LRRC37A2: variants seen among roughly 807,000 people sequenced by gnomAD.
LRRC37A2 encodes the protein leucine rich repeat containing 37 member A2, also known as leucine-rich repeat-containing protein 37A2.
A neutral mutation model predicts 68.8 loss-of-function variants in LRRC37A2; 9 were observed. That is an observed-to-expected ratio of 0.13 (90% confidence interval 0.08 to 0.23). The LOEUF (loss-of-function observed/expected upper bound fraction) is 0.23. Ranked by LOEUF, LRRC37A2 falls within the 10% of genes least tolerant of loss-of-function variation. The probability of loss-of-function intolerance (pLI) is 1.00; values close to 1 mark genes in which losing one functional copy is unlikely to be tolerated. For missense variants in LRRC37A2, 168 were observed against 950.4 expected (o/e 0.18, Z 10.82); for synonymous variants, 63 against 367.6 (o/e 0.17, Z 9.48).
At chr17:46,911,764 G>A in the LRRC37A2 span, among the ~76,000 whole-genome samples, 1 of 152,136 alleles carries the variant, frequency 6.6e-6, no homozygotes, top group Admixed American at 6.5e-5. Context: ...CACGCCTGTA[G>A]TCCCAGCTAC....
chr17:46,856,373 C>T, the LRRC37A2 span, among the ~76,000 whole-genome samples: 1 of 152,164 alleles, frequency 6.6e-6, no homozygotes, highest in South Asian at 2.1e-4. Flanking sequence ...GGGTTCTAAA[C>T]ATCATCCCAG....
At chr17:46,879,896 G>A in the LRRC37A2 span, among the ~76,000 whole-genome samples, 6 of 152,220 alleles carry the variant, frequency 3.9e-5, no homozygotes, top group Non-Finnish European at 8.8e-5. Context: ...GAGAGACCAG[G>A]AACCCATGGA....
chr17:46,887,454 A>T, the LRRC37A2 span, among the ~76,000 whole-genome samples: 1 of 151,956 alleles, frequency 6.6e-6, no homozygotes, highest in Non-Finnish European at 1.5e-5. Flanking sequence ...CTCTATATAG[A>T]TATCTTTCTA....
the LRRC37A2 span, among the ~76,000 whole-genome samples, chr17:46,976,632 T>G: frequency 1.2e-4 from 18 of 152,126 alleles, no homozygotes; most frequent in African/African-American, 4.3e-4. Context: ...AGCAGACCTA[T>G]TTTATTAGAG....
At chr17:46,605,738 C>G in the LRRC37A2 span, among the ~76,000 whole-genome samples, 1 of 78,868 alleles carries the variant, frequency 1.3e-5, no homozygotes, top group Non-Finnish European at 2.5e-5. Flanking sequence ...AAAAAGTGAC[C>G]ACTGATGTAA....
At chr17:46,724,732 C>T in the LRRC37A2 span, among the ~76,000 whole-genome samples, 1 of 152,182 alleles carries the variant, frequency 6.6e-6, no homozygotes, top group Admixed American at 6.5e-5. Flanking sequence ...GCAGTGCCTT[C>T]ATTAATGCTT....
intron 8 of LRRC37A2, among the ~76,000 whole-genome samples, chr17:46,543,710 A>G (rs1169302260): frequency 9.9e-5 from 15 of 150,982 alleles, no homozygotes; most frequent in South Asian, 2.1e-4. Flanking sequence ...ATTAGCAACT[A>G]CTGATTCCAG....
chr17:46,970,990 A>G, the LRRC37A2 span, among the ~76,000 whole-genome samples: 1 of 152,256 alleles, frequency 6.6e-6, no homozygotes, highest in Non-Finnish European at 1.5e-5. Flanking sequence ...GGTTGCAGGA[A>G]TGTGGCTACT....
chr17:46,995,380 C>G, the LRRC37A2 span, among the ~76,000 whole-genome samples: 2 of 152,212 alleles, frequency 1.3e-5, no homozygotes. Flanking sequence ...TGTTCTTCAG[C>G]TACAGGTTCT....
chr17:47,017,054 G>C, the LRRC37A2 span: 1 of 1,055,488 alleles, frequency 9.5e-7, no homozygotes, highest in African/African-American at 1.6e-5. Context: ...AGGGCAGGAT[G>C]GGAAGGCGTG....
chr17:46,966,540 G>A, the LRRC37A2 span: 1 of 693,418 alleles, frequency 1.4e-6, no homozygotes, highest in Admixed American at 2.0e-5. Context: ...GCAGAGACAA[G>A]GTCTCACCAT....
At chr17:46,855,388 G>A in the LRRC37A2 span, among the ~76,000 whole-genome samples, 1 of 152,222 alleles carries the variant, frequency 6.6e-6, no homozygotes, top group African/African-American at 2.4e-5. Context: ...AGAACAGCAT[G>A]ATGGCAGTGG....
chr17:46,756,755 T>G, the LRRC37A2 span: 1 of 152,658 alleles, frequency 6.6e-6, no homozygotes, highest in Non-Finnish European at 1.5e-5. Flanking sequence ...TTAAATGATC[T>G]GTACTATCTA....
At chr17:46,787,322 G>C in the LRRC37A2 span, among the ~76,000 whole-genome samples, 2 of 152,090 alleles carry the variant, frequency 1.3e-5, no homozygotes, top group African/African-American at 2.4e-5. Flanking sequence ...GGAACAATAG[G>C]AGTGTCCTGG....
the LRRC37A2 span, among the ~76,000 whole-genome samples, chr17:46,878,564 G>C: frequency 2.0e-5 from 3 of 152,212 alleles, no homozygotes; most frequent in Non-Finnish European, 4.4e-5. Context: ...AATGGGGAGA[G>C]GGCTGGTTTT....
chr17:46,541,431 T>C (rs1220329434), intron 8 of LRRC37A2, among the ~76,000 whole-genome samples: 1 of 148,690 alleles, frequency 6.7e-6, no homozygotes, highest in Admixed American at 6.6e-5. Context: ...TTTGTATTTT[T>C]AGTAGAGACA....
chr17:46,761,215 A>T, the LRRC37A2 span, among the ~76,000 whole-genome samples: 1 of 152,144 alleles, frequency 6.6e-6, no homozygotes, highest in Non-Finnish European at 1.5e-5. Flanking sequence ...GACAAAACAG[A>T]GTGCATCAAC....
the LRRC37A2 span, among the ~76,000 whole-genome samples, chr17:46,970,010 G>T: frequency 6.6e-6 from 1 of 152,178 alleles, no homozygotes; most frequent in African/African-American, 2.4e-5. Flanking sequence ...CCTGGCTCTA[G>T]CTGACTACAG....
chr17:46,986,953 C>G, the LRRC37A2 span, among the ~76,000 whole-genome samples: 1 of 152,070 alleles, frequency 6.6e-6, no homozygotes, highest in Non-Finnish European at 1.5e-5. Flanking sequence ...GAGTGCATAA[C>G]TATAGTTGCA....
Sources: allele counts gnomAD v4.1 joint callset (sites outside exome capture counted in the v4.1 genomes callset), GRCh38; gene constraint gnomAD v4.1.1; transcripts MANE v1.5; gene names NCBI Gene and HGNC (gene_info 2026-07-23, HGNC 2026-07-21).